Variants in LRRC37A2 observed in about 807,000 individuals in gnomAD.
The protein encoded by LRRC37A2 is leucine-rich repeat-containing protein 37A2.
LRRC37A2 carries 9 observed loss-of-function variants against 68.8 expected under a neutral mutation model. That is an observed-to-expected ratio of 0.13 (90% CI 0.08 to 0.23). LRRC37A2 has a LOEUF of 0.23. Among genes scored for constraint, LRRC37A2 ranks in the 10% least tolerant of loss-of-function variants. The probability of loss-of-function intolerance (pLI) is 1.00; values close to 1 mark genes in which losing one functional copy is unlikely to be tolerated. For synonymous variants in LRRC37A2, 63 were observed against 367.6 expected (o/e 0.17, Z 9.48); for missense variants, 168 against 950.4 (o/e 0.18, Z 10.82).
chr17:47,046,151 A>G, the LRRC37A2 span, among the ~76,000 whole-genome samples: 1 of 115,062 alleles, frequency 8.7e-6, no homozygotes, highest in Non-Finnish European at 1.8e-5. Flanking sequence ...ACATGGGGAA[A>G]CCCTGTCACT....
chr17:47,012,314 G>T, the LRRC37A2 span, among the ~76,000 whole-genome samples: 1 of 151,732 alleles, frequency 6.6e-6, no homozygotes, highest in Non-Finnish European at 1.5e-5. Flanking sequence ...GATTACCTTG[G>T]AAACCATTAT....
the LRRC37A2 span, among the ~76,000 whole-genome samples, chr17:46,687,305 T>G: frequency 4.4e-4 from 62 of 142,000 alleles, no homozygotes; most frequent in Admixed American, 1.1e-3. Context: ...GCTATCCTTT[T>G]TTATTCAGTT....
the LRRC37A2 span, among the ~76,000 whole-genome samples, chr17:46,835,281 G>A: frequency 1.3e-5 from 2 of 151,746 alleles, no homozygotes; most frequent in East Asian, 1.9e-4. Flanking sequence ...GCACAATCCC[G>A]GCTCACTGCA....
chr17:46,492,938 C>T, the LRRC37A2 span, among the ~76,000 whole-genome samples: 12 of 149,840 alleles, frequency 8.0e-5, no homozygotes, highest in Non-Finnish European at 1.5e-4. Flanking sequence ...TCGTGATCCG[C>T]CCGCCTCGGC....
the LRRC37A2 span, chr17:46,721,750 A>G: frequency 2.8e-5 from 45 of 1,604,574 alleles, no homozygotes; most frequent in Non-Finnish European, 3.8e-5. Context: ...TCTTGCCCAC[A>G]ATTTCGCTTG....
At chr17:46,811,161 C>G in the LRRC37A2 span, among the ~76,000 whole-genome samples, 1 of 101,074 alleles carries the variant, frequency 9.9e-6, no homozygotes, top group Non-Finnish European at 2.6e-5. Flanking sequence ...AACTCTACCC[C>G]TGCCCGCCCT....
chr17:46,912,660 C>T, the LRRC37A2 span, among the ~76,000 whole-genome samples: 1 of 152,204 alleles, frequency 6.6e-6, no homozygotes, highest in Non-Finnish European at 1.5e-5. Flanking sequence ...TTTCTCAGCT[C>T]ATTGCAGCCT....
At chr17:46,770,435 C>A in the LRRC37A2 span, among the ~76,000 whole-genome samples, 1 of 152,222 alleles carries the variant, frequency 6.6e-6, no homozygotes. Flanking sequence ...GACCACCCTG[C>A]ACAGGCCTGA....
chr17:46,774,013 A>G, the LRRC37A2 span: 1 of 1,491,338 alleles, frequency 6.7e-7, no homozygotes, highest in Non-Finnish European at 9.0e-7. Context: ...GGAGAGGCAG[A>G]GGGCCTGTGC....
At chr17:46,941,127 G>A in the LRRC37A2 span, 3 of 1,020,476 alleles carry the variant, frequency 2.9e-6, no homozygotes, top group African/African-American at 5.1e-5. Context: ...GTTATCAAGA[G>A]GAACTTGAGA....
the LRRC37A2 span, among the ~76,000 whole-genome samples, chr17:46,708,560 C>T: frequency 2.0e-4 from 28 of 136,796 alleles, no homozygotes; most frequent in African/African-American, 7.1e-4. Flanking sequence ...GGCACAATCT[C>T]GGCTCACTGC....
rs2053778050 is a variant in LRRC37A2, at chr17:46,532,253, T to C, written c.2907-7923T>C. On this transcript the variant is annotated intron_variant, in intron 6 of 14. Transcript: ENST00000576629. ...ACAACAATTGTAGTGAAACCATAGA[T>C]CAGTTTGGAGAATCATGCTATTATT... Among the ~76,000 whole-genome samples, 4 of 149,014 alleles carry C rather than the reference T, an allele frequency of 2.7e-5. No homozygotes were observed. The South Asian group carries it at 8.4e-4, about 31-fold the overall frequency.
At chr17:46,783,210 T>G in the LRRC37A2 span, among the ~76,000 whole-genome samples, 10 of 151,906 alleles carry the variant, frequency 6.6e-5, no homozygotes, top group Non-Finnish European at 1.2e-4. Context: ...GGACCCAAGG[T>G]CTTGAGATAA....
the LRRC37A2 span, among the ~76,000 whole-genome samples, chr17:46,801,864 T>C: frequency 0.011 from 1,628 of 152,252 alleles, 24 homozygotes; most frequent in African/African-American, 0.038. Flanking sequence ...CCCGATGCTG[T>C]GCCAGTTCGA....
chr17:46,936,673 G>A, the LRRC37A2 span: 7 of 985,168 alleles, frequency 7.1e-6, no homozygotes, highest in Non-Finnish European at 7.2e-6. Flanking sequence ...TCATTTTCAA[G>A]TGATTTAGAA....
chr17:46,413,826 T>A, the LRRC37A2 span, among the ~76,000 whole-genome samples: 1 of 100,736 alleles, frequency 9.9e-6, no homozygotes, highest in African/African-American at 3.3e-5. Context: ...CTGGTCTCGA[T>A]CTCTTGACCT....
the LRRC37A2 span, among the ~76,000 whole-genome samples, chr17:46,474,119 G>A: frequency 9.6e-6 from 1 of 104,276 alleles, no homozygotes; most frequent in Non-Finnish European, 2.1e-5. Context: ...GTGCAGTCTC[G>A]GCTCACTGCA....
chr17:46,771,698 G>C, the LRRC37A2 span, among the ~76,000 whole-genome samples: 2 of 143,222 alleles, frequency 1.4e-5, no homozygotes, highest in Non-Finnish European at 1.6e-5. Flanking sequence ...TCCCGCGGCC[G>C]GGCCGCGCCC....
At chr17:46,921,620 TCAAA>T in the LRRC37A2 span, among the ~76,000 whole-genome samples, 1 of 151,988 alleles carries the variant, frequency 6.6e-6, no homozygotes, top group Non-Finnish European at 1.5e-5. Context: ...TACAATGAAC[TCAAA>T]CAAATTTACA....
Sources: gnomAD v4.1 joint callset for allele counts (sites outside exome capture counted in the v4.1 genomes callset) on GRCh38, gnomAD v4.1.1 for gene constraint, MANE v1.5 for transcripts, NCBI Gene and HGNC (gene_info 2026-07-23, HGNC 2026-07-21) for gene names.